SAMD3: variants seen among roughly 807,000 people sequenced by gnomAD.
SAMD3 encodes sterile alpha motif domain containing 3, also known as sterile alpha motif domain-containing protein 3.
SAMD3 carries 63 observed loss-of-function variants against 58.5 expected under a neutral mutation model. The ratio of observed to expected loss-of-function variants is 1.08; its 90% CI spans 0.88 to 1.33. The LOEUF (loss-of-function observed/expected upper bound fraction) is 1.33. Among genes scored for constraint, SAMD3 ranks in the 40% most tolerant of loss-of-function variants. SAMD3 has a pLI of 0.00. For synonymous variants in SAMD3, 220 were observed against 210.3 expected (o/e 1.05, Z -0.40); for missense variants, 604 against 608.4 (o/e 0.99, Z 0.08).
chr6:130,229,069 A>T (rs539073931), intron 2 of SAMD3, among the ~76,000 whole-genome samples: 84 of 152,236 alleles, frequency 5.5e-4, no homozygotes, highest in Non-Finnish European at 2.4e-4. Context: ...AGAGAGAAGG[A>T]CCTTGGCCTT....
chr6:130,292,311 C>T (rs186364760), intron 2 of SAMD3, among the ~76,000 whole-genome samples: 93 of 147,600 alleles, frequency 6.3e-4, no homozygotes, highest in African/African-American at 2.3e-3. Flanking sequence ...GCTCTTGTCA[C>T]CCAGGCTGGA....
chr6:130,220,383 A>C (rs1276014025), intron 1 of SAMD3, among the ~76,000 whole-genome samples: 1 of 152,248 alleles, frequency 6.6e-6, no homozygotes, highest in Non-Finnish European at 1.5e-5. Context: ...AATGAGCCAG[A>C]GTCCCAGAAC....
At chr6:130,265,769 AG>A (rs1046209859) in intron 2 of SAMD3, among the ~76,000 whole-genome samples, 32 of 132,792 alleles carry the variant, frequency 2.4e-4, no homozygotes, top group African/African-American at 7.5e-4. Context: ...TAGCCAAAAC[AG>A]AAAAAAAAGA....
At chr6:130,301,841 A>G (rs911187728) in intron 2 of SAMD3, among the ~76,000 whole-genome samples, 4 of 152,162 alleles carry the variant, frequency 2.6e-5, no homozygotes, top group African/African-American at 9.7e-5. Flanking sequence ...AAAAATAAAC[A>G]ATGGAGGAAG....
chr6:130,285,547 G>A (rs539433787), intron 2 of SAMD3, among the ~76,000 whole-genome samples: 3 of 152,214 alleles, frequency 2.0e-5, no homozygotes, highest in Non-Finnish European at 4.4e-5. Flanking sequence ...GCACGGTTGA[G>A]GATAAAAAGC....
At chr6:130,351,438 A>G (rs545600907) in intron 1 of SAMD3, among the ~76,000 whole-genome samples, 29 of 152,354 alleles carry the variant, frequency 1.9e-4, no homozygotes, top group African/African-American at 6.3e-4. Context: ...ACACTTCTCA[A>G]AAGAAGACAT....
chr6:130,346,675 G>A (rs1777464401), intron 1 of SAMD3, among the ~76,000 whole-genome samples: 1 of 152,216 alleles, frequency 6.6e-6, no homozygotes, highest in African/African-American at 2.4e-5. Flanking sequence ...CAAACAAAAG[G>A]CAGCAGAAAC....
chr6:130,211,871 G>A (rs2114835433), intron 4 of SAMD3, among the ~76,000 whole-genome samples: 1 of 149,954 alleles, frequency 6.7e-6, no homozygotes, highest in South Asian at 2.2e-4. Context: ...GCCATTAAAG[G>A]GAATCTGTAC....
intron 8 of SAMD3, among the ~76,000 whole-genome samples, chr6:130,157,024 G>A (rs986116108): frequency 1.3e-5 from 2 of 151,532 alleles, no homozygotes; most frequent in Non-Finnish European, 2.9e-5. Context: ...GAGCCAAGAT[G>A]GTGCCACTGT....
intron 2 of SAMD3, among the ~76,000 whole-genome samples, chr6:130,274,809 C>T (rs1312817170): frequency 6.6e-6 from 1 of 150,964 alleles, no homozygotes; most frequent in Non-Finnish European, 1.5e-5. Context: ...TTTCCTATTC[C>T]AGTATATTAC....
At chr6:130,248,259 C>CAAA in intron 2 of SAMD3, among the ~76,000 whole-genome samples, 1 of 151,058 alleles carries the variant, frequency 6.6e-6, no homozygotes, top group African/African-American at 2.4e-5. Flanking sequence ...CCTTTATTAA[C>CAAA]AAAAAGTCAC....
chr6:130,221,988 C>T (rs2114864302), intron 1 of SAMD3, among the ~76,000 whole-genome samples: 1 of 152,234 alleles, frequency 6.6e-6, no homozygotes, highest in African/African-American at 2.4e-5. Context: ...AGCAAGAATG[C>T]AAGGTCAGTT....
chr6:130,255,852 TGTC>T (rs1413037185), intron 2 of SAMD3, among the ~76,000 whole-genome samples: 4 of 150,722 alleles, frequency 2.7e-5, no homozygotes, highest in Admixed American at 6.6e-5. Context: ...AGTTGGGTCT[TGTC>T]TTTTTTTTTT....
upstream of SAMD3, among the ~76,000 whole-genome samples, chr6:130,224,591 A>ATTT (rs1021131964): frequency 2.4e-5 from 3 of 123,500 alleles, no homozygotes; most frequent in South Asian, 2.8e-4. Flanking sequence ...CACTCTATTT[A>ATTT]TTTATTATTA....
intron 2 of SAMD3, among the ~76,000 whole-genome samples, chr6:130,257,552 A>G (rs7751801): frequency 0.45 from 67,864 of 151,966 alleles, 17,163 homozygotes; most frequent in African/African-American, 0.69. Context: ...TCCCTCAATT[A>G]CTATTCTGAA....
chr6:130,294,277 T>A (rs1775482063), intron 2 of SAMD3, among the ~76,000 whole-genome samples: 1 of 152,146 alleles, frequency 6.6e-6, no homozygotes, highest in South Asian at 2.1e-4. Flanking sequence ...AAAGGCTTTG[T>A]TTAAAGCAAA....
At chr6:130,316,504 C>T (rs1776376999) in intron 1 of SAMD3, among the ~76,000 whole-genome samples, 1 of 151,864 alleles carries the variant, frequency 6.6e-6, no homozygotes, top group Non-Finnish European at 1.5e-5. Flanking sequence ...ATAATAATAA[C>T]TTGAATTCAT....
At position 130,180,953 on chromosome 6, in the gene SAMD3, C is replaced by CTTTCTTTTTTTTTT. The variant is rs56707260; in HGVS notation, c.654+3149_654+3150insAAAAAAAAAAGAAA. ...TTTTCTTTTTTCTTTTTCTTTCTTTCTTTTTTCTTTTGAGACGGAGTTCCG... is the reference window on the plus strand; with the variant it reads ...TTTTCTTTTTTCTTTTTCTTTCTTTCTTTCTTTTTTTTTTTTTTTTCTTTTGAGACGGAGTTCCG... On this transcript the variant is annotated intron_variant, in intron 7 of 11. Transcript: ENST00000439090. 3.3e-3 allele frequency among the ~76,000 whole-genome samples: 390 copies of CTTTCTTTTTTTTTT among 117,308 alleles called. 2 individuals carry two copies. The highest frequency in any genetic ancestry group is 9.9e-3 in the South Asian group (36 of 3,654). 77.0% of individuals were successfully genotyped at this position (117,308 alleles called of 152,430 possible).
chr6:130,198,959 C>T lies in SAMD3; in HGVS notation c.383+10536G>A, dbSNP rs80298839. Reference sequence around the variant, plus strand: ...AAATCATCCCTGTTTTCCCAAATTTCGGGGCACAAATTGTACCTTTCTCCA... The same window carrying T: ...AAATCATCCCTGTTTTCCCAAATTTTGGGGCACAAATTGTACCTTTCTCCA... On this transcript the variant is annotated intron_variant, in intron 5 of 11. Transcript: ENST00000439090. 3.8e-3 allele frequency among the ~76,000 whole-genome samples: 585 copies of T among 152,256 alleles called. 3 individuals carry two copies. The highest frequency in any genetic ancestry group is 0.016 in the Admixed American group (252 of 15,298).
Sources: gnomAD v4.1 joint callset for allele counts (sites outside exome capture counted in the v4.1 genomes callset) on GRCh38, gnomAD v4.1.1 for gene constraint, MANE v1.5 for transcripts, NCBI Gene and HGNC (gene_info 2026-07-23, HGNC 2026-07-21) for gene names.